The following CSTPP1 variants were observed in gnomAD, a reference collection of about 807,000 sequenced individuals.
CSTPP1 encodes the protein UPF0705 protein C11orf49.
chr11:47,108,880 T>C, the CSTPP1 span, among the ~76,000 whole-genome samples: 1 of 152,074 alleles, frequency 6.6e-6, no homozygotes. Flanking sequence ...CTAATTTTTG[T>C]ATTTTTAGTA....
chr11:47,053,927 G>A, the CSTPP1 span, among the ~76,000 whole-genome samples: 1 of 151,916 alleles, frequency 6.6e-6, no homozygotes, highest in South Asian at 2.1e-4. Context: ...CTAGGTGACA[G>A]CGAGATCCTG....
the CSTPP1 span, among the ~76,000 whole-genome samples, chr11:47,092,687 C>T: frequency 3.3e-5 from 5 of 152,180 alleles, no homozygotes; most frequent in Non-Finnish European, 5.9e-5. Flanking sequence ...CATCACCTAA[C>T]ATCCAGTCCA....
chr11:47,119,146 C>T, the CSTPP1 span, among the ~76,000 whole-genome samples: 1 of 152,264 alleles, frequency 6.6e-6, no homozygotes, highest in Admixed American at 6.5e-5. Flanking sequence ...TGTTTACCTA[C>T]TCAAGCCTCA....
At chr11:47,087,215 C>T in the CSTPP1 span, among the ~76,000 whole-genome samples, 1 of 152,014 alleles carries the variant, frequency 6.6e-6, no homozygotes, top group Non-Finnish European at 1.5e-5. Context: ...AATTTGGGAA[C>T]AATAGCTAAT....
the CSTPP1 span, chr11:47,155,082 C>T: frequency 1.0e-6 from 1 of 991,102 alleles, no homozygotes; most frequent in Non-Finnish European, 1.6e-6. Flanking sequence ...TCTCCCTCTC[C>T]CCCGCACTTT....
At chr11:46,995,421 T>C in the CSTPP1 span, among the ~76,000 whole-genome samples, 1 of 152,244 alleles carries the variant, frequency 6.6e-6, no homozygotes, top group Middle Eastern at 3.2e-3. Flanking sequence ...TTTAGTGCTA[T>C]CAATTTCCCT....
the CSTPP1 span, among the ~76,000 whole-genome samples, chr11:47,071,131 C>G: frequency 6.6e-6 from 1 of 152,114 alleles, no homozygotes; most frequent in African/African-American, 2.4e-5. Context: ...TCCTATCATA[C>G]CTTATATTTA....
At chr11:47,162,920 C>G in the CSTPP1 span, among the ~76,000 whole-genome samples, 1 of 152,212 alleles carries the variant, frequency 6.6e-6, no homozygotes, top group Non-Finnish European at 1.5e-5. Context: ...GGCTCATTGC[C>G]TGTAATCCCA....
At chr11:47,164,092 G>A in the CSTPP1 span, 5 of 1,608,162 alleles carry the variant, frequency 3.1e-6, no homozygotes, top group East Asian at 2.2e-5. Context: ...GCGTGCCACA[G>A]GGTGGTGAGG....
At chr11:47,161,714 C>T in the CSTPP1 span, 1 of 1,518,118 alleles carries the variant, frequency 6.6e-7, no homozygotes, top group Non-Finnish European at 8.8e-7. Flanking sequence ...CCAGCCTCCT[C>T]TCCAGCACCT....
chr11:47,134,007 G>T, the CSTPP1 span, among the ~76,000 whole-genome samples: 6 of 152,120 alleles, frequency 3.9e-5, no homozygotes, highest in African/African-American at 1.2e-4. Context: ...CTCCCACCCT[G>T]AGATCTTGCT....
At chr11:46,995,610 G>T in the CSTPP1 span, among the ~76,000 whole-genome samples, 1 of 152,204 alleles carries the variant, frequency 6.6e-6, no homozygotes, top group African/African-American at 2.4e-5. Flanking sequence ...TTCATGCTGA[G>T]TTCTAGTTTG....
chr11:47,124,147 A>T, the CSTPP1 span, among the ~76,000 whole-genome samples: 2 of 65,958 alleles, frequency 3.0e-5, no homozygotes, highest in Non-Finnish European at 6.0e-5. Flanking sequence ...TTTTTGAGAC[A>T]GAGGCTCGTT....
At chr11:47,146,776 C>G in the CSTPP1 span, among the ~76,000 whole-genome samples, 1 of 152,206 alleles carries the variant, frequency 6.6e-6, no homozygotes, top group Non-Finnish European at 1.5e-5. Flanking sequence ...CTGCACGTCC[C>G]TCTGCTGAAG....
At chr11:46,961,109 C>T in the CSTPP1 span, among the ~76,000 whole-genome samples, 1 of 152,122 alleles carries the variant, frequency 6.6e-6, no homozygotes. Context: ...ATTTCTAGGT[C>T]ATTTGGTAAC....
the CSTPP1 span, among the ~76,000 whole-genome samples, chr11:47,113,793 AG>A: frequency 6.6e-6 from 1 of 152,036 alleles, no homozygotes; most frequent in African/African-American, 2.4e-5. Flanking sequence ...CCCATTCTTT[AG>A]GTTGCCTGTT....
chr11:47,152,627 C>A, the CSTPP1 span, among the ~76,000 whole-genome samples: 1 of 152,204 alleles, frequency 6.6e-6, no homozygotes, highest in Non-Finnish European at 1.5e-5. Flanking sequence ...GAGGTAACTT[C>A]TGTAATTAGA....
chr11:47,054,726 T>C, the CSTPP1 span, among the ~76,000 whole-genome samples: 1 of 152,072 alleles, frequency 6.6e-6, no homozygotes, highest in Non-Finnish European at 1.5e-5. Flanking sequence ...CTGGTAGTAG[T>C]TGAGTGAGAG....
At chr11:47,086,232 TCCAA>T in the CSTPP1 span, among the ~76,000 whole-genome samples, 36 of 31,764 alleles carry the variant, frequency 1.1e-3, no homozygotes, top group Admixed American at 2.1e-3. Flanking sequence ...CTACTAAAAA[TCCAA>T]AAAAAAAAAA....
Sources: gnomAD v4.1 joint callset for allele counts (sites outside exome capture counted in the v4.1 genomes callset) on GRCh38, gnomAD v4.1.1 for gene constraint, MANE v1.5 for transcripts, NCBI Gene and HGNC (gene_info 2026-07-23, HGNC 2026-07-21) for gene names.